Variants in KHDRBS3 observed in about 807,000 individuals in gnomAD.
KHDRBS3 encodes KH domain-containing, RNA-binding, signal transduction-associated protein 3.
In KHDRBS3, 23 loss-of-function variants were observed where a neutral mutation model predicts 45.6. The ratio of observed to expected loss-of-function variants is 0.50; its 90% CI spans 0.36 to 0.72. The LOEUF (loss-of-function observed/expected upper bound fraction) is 0.72. Ranked by LOEUF, KHDRBS3 falls within the 30% of genes least tolerant of loss-of-function variation. The pLI, the probability that KHDRBS3 is intolerant of heterozygous loss-of-function variation, is 0.00. For missense variants in KHDRBS3, 352 were observed against 424.8 expected, an observed-to-expected ratio of 0.83 and a Z score of 1.51; for synonymous variants, 162 against 156.5, an observed-to-expected ratio of 1.04 and a Z score of -0.26.
intron 4 of KHDRBS3, among the ~76,000 whole-genome samples, chr8:135,654,259 T>TA (rs1162333725): frequency 2.6e-5 from 4 of 151,830 alleles, no homozygotes; most frequent in Non-Finnish European, 4.4e-5. Context: ...GAGATGTAGT[T>TA]AGTTTCTAAT....
At chr8:135,640,206 C>T (rs569608628) in intron 7 of KHDRBS3, among the ~76,000 whole-genome samples, 7 of 152,082 alleles carry the variant, frequency 4.6e-5, no homozygotes, top group Admixed American at 1.3e-4. Flanking sequence ...CAAAGAGCAA[C>T]GTAGTGATTT....
At chr8:135,543,814 C>T (rs923505233) in intron 3 of KHDRBS3, among the ~76,000 whole-genome samples, 2 of 152,114 alleles carry the variant, frequency 1.3e-5, no homozygotes, top group African/African-American at 4.8e-5. Context: ...GACAACAGCA[C>T]CCGTATATTT....
intron 5 of KHDRBS3, among the ~76,000 whole-genome samples, chr8:135,560,097 A>G (rs1311844286): frequency 6.6e-6 from 1 of 152,156 alleles, no homozygotes; most frequent in Non-Finnish European, 1.5e-5. Context: ...TCTCCCACAC[A>G]TGACATTTAT....
chr8:135,586,571 T>C (rs1828485277), intron 6 of KHDRBS3, among the ~76,000 whole-genome samples: 8 of 152,108 alleles, frequency 5.3e-5, no homozygotes, highest in Admixed American at 5.2e-4. Flanking sequence ...ATTAAAAAAA[T>C]GAACAAAGCG....
intron 2 of KHDRBS3, chr8:135,539,930 C>A (rs527913510): frequency 6.6e-6 from 1 of 152,256 alleles, no homozygotes; most frequent in South Asian, 2.1e-4. Context: ...GGAATGCTGT[C>A]AAGTGACCTT....
At chr8:135,494,096 A>C (rs980350666) in intron 1 of KHDRBS3, among the ~76,000 whole-genome samples, 1 of 152,020 alleles carries the variant, frequency 6.6e-6, no homozygotes, top group African/African-American at 2.4e-5. Context: ...TGTCAGTGTT[A>C]TTCCTGATAC....
At chr8:135,513,027 C>T (rs1824384734) in intron 1 of KHDRBS3, among the ~76,000 whole-genome samples, 2 of 151,896 alleles carry the variant, frequency 1.3e-5, no homozygotes, top group African/African-American at 2.4e-5. Flanking sequence ...GGTGAAACCC[C>T]GTCTCTACTA....
rs985469690 is a variant in KHDRBS3 at position 135,464,768 on chromosome 8, T to C, written c.88+6814T>C. On this transcript the variant is annotated intron_variant, in intron 1 of 8. Transcript: ENST00000355849. ...AAAAGAGTAAGTCATTTTACCTTAT[T>C]TTATAGATGAGAAAACCGAGGTCAG... is the stretch of plus-strand genomic sequence containing the variant. Among the ~76,000 whole-genome samples, 6 of 152,314 alleles carry C rather than the reference T, an allele frequency of 3.9e-5. No homozygotes were observed. The South Asian group carries it at 1.2e-3, about 32-fold the overall frequency.
intron 1 of KHDRBS3, among the ~76,000 whole-genome samples, chr8:135,514,548 A>G (rs1313737023): frequency 6.6e-6 from 1 of 152,212 alleles, no homozygotes; most frequent in Non-Finnish European, 1.5e-5. Flanking sequence ...GTAGTTACCA[A>G]GGGCTGAGGG....
At chr8:135,638,785 T>C (rs1830926026) in intron 7 of KHDRBS3, among the ~76,000 whole-genome samples, 1 of 151,980 alleles carries the variant, frequency 6.6e-6, no homozygotes, top group Non-Finnish European at 1.5e-5. Context: ...CTGTCTCTAC[T>C]AAAAATACAA....
At chr8:135,468,510 ATAGT>A (rs1462828811) in intron 1 of KHDRBS3, among the ~76,000 whole-genome samples, 1 of 152,222 alleles carries the variant, frequency 6.6e-6, no homozygotes, top group Non-Finnish European at 1.5e-5. Flanking sequence ...TAAAGAGTAA[ATAGT>A]TTGTGGGCTG....
intron 5 of KHDRBS3, among the ~76,000 whole-genome samples, chr8:135,561,150 A>C (rs1357910596): frequency 6.6e-6 from 1 of 152,182 alleles, no homozygotes; most frequent in Non-Finnish European, 1.5e-5. Context: ...TTTGTTTCAT[A>C]AAGTTGGTGC....
chr8:135,550,382 A>G (rs1826528988), intron 4 of KHDRBS3, among the ~76,000 whole-genome samples: 1 of 152,180 alleles, frequency 6.6e-6, no homozygotes. Context: ...CTTTCACTTA[A>G]AATACATTTT....
At chr8:135,470,906 G>A (rs1195656423) in intron 1 of KHDRBS3, among the ~76,000 whole-genome samples, 3 of 152,136 alleles carry the variant, frequency 2.0e-5, no homozygotes, top group Non-Finnish European at 2.9e-5. Context: ...TCTTAAATGG[G>A]CGAAGGATGT....
chr8:135,604,960 TC>T (rs1829391578), intron 6 of KHDRBS3, among the ~76,000 whole-genome samples: 1 of 151,818 alleles, frequency 6.6e-6, no homozygotes, highest in South Asian at 2.1e-4. Context: ...TAATATGGCT[TC>T]CTATTGTCTT....
At chr8:135,588,115 T>C (rs1828567855) in intron 6 of KHDRBS3, among the ~76,000 whole-genome samples, 1 of 152,198 alleles carries the variant, frequency 6.6e-6, no homozygotes, top group Non-Finnish European at 1.5e-5. Context: ...CCACTTGAGG[T>C]GCCAGTTGCA....
At chr8:135,479,318 G>A (rs535842773) in intron 1 of KHDRBS3, among the ~76,000 whole-genome samples, 35 of 152,260 alleles carry the variant, frequency 2.3e-4, no homozygotes, top group African/African-American at 7.9e-4. Context: ...AAACCTACTC[G>A]TTAAGAAAAG....
At chr8:135,496,565 GAA>G (rs5895313) in intron 1 of KHDRBS3, among the ~76,000 whole-genome samples, 6 of 149,816 alleles carry the variant, frequency 4.0e-5, no homozygotes, top group Non-Finnish European at 8.9e-5. Flanking sequence ...ATAGGGGTTT[GAA>G]AAAAAAAAAG....
chr8:135,585,485 C>T (rs1273893892), intron 6 of KHDRBS3, among the ~76,000 whole-genome samples: 3 of 152,032 alleles, frequency 2.0e-5, no homozygotes, highest in Non-Finnish European at 4.4e-5. Context: ...TCCTCCCACC[C>T]ACCACACTTC....
Sources: gnomAD v4.1 joint callset for allele counts (sites outside exome capture counted in the v4.1 genomes callset) on GRCh38, gnomAD v4.1.1 for gene constraint, MANE v1.5 for transcripts, NCBI Gene and HGNC (gene_info 2026-07-23, HGNC 2026-07-21) for gene names.